CGGBP1: variants seen among roughly 807,000 people sequenced by gnomAD.
CGGBP1 encodes the protein CGG triplet repeat binding protein 1, also known as CGG triplet repeat-binding protein 1.
A neutral mutation model predicts 11.4 loss-of-function variants in CGGBP1; 4 were observed. That is an observed-to-expected ratio of 0.35 (90% CI 0.17 to 0.80). The LOEUF (loss-of-function observed/expected upper bound fraction) is 0.80. Among genes scored for constraint, CGGBP1 ranks in the 30% least tolerant of loss-of-function variants. The pLI, the probability that CGGBP1 is intolerant of heterozygous loss-of-function variation, is 0.52. For synonymous variants in CGGBP1, 76 were observed against 74.1 expected (o/e 1.03, Z -0.13); for missense variants, 135 against 202.1 (o/e 0.67, Z 2.01).
chr3:88,120,361 C>T (rs1254165119), intron 2 of CGGBP1, among the ~76,000 whole-genome samples: 1 of 152,182 alleles, frequency 6.6e-6, no homozygotes, highest in African/African-American at 2.4e-5. Flanking sequence ...TTTATTTATA[C>T]TGCTATCTTG....
chr3:88,132,108 ACT>A (rs1270132969), intron 2 of CGGBP1, among the ~76,000 whole-genome samples: 1 of 152,186 alleles, frequency 6.6e-6, no homozygotes, highest in Non-Finnish European at 1.5e-5. Flanking sequence ...TGGAAATAAT[ACT>A]GTGTTCAAGC....
At chr3:88,061,854 G>A (rs745545760), upstream of CGGBP1, among the ~76,000 whole-genome samples, 38 of 152,186 alleles carry the variant, frequency 2.5e-4, no homozygotes, top group Non-Finnish European at 4.7e-4. Flanking sequence ...ATATTGTGCA[G>A]TTGGGGTATG....
chr3:88,068,588 G>A (rs1294376843), intron 2 of CGGBP1, among the ~76,000 whole-genome samples: 3 of 152,070 alleles, frequency 2.0e-5, no homozygotes, highest in Admixed American at 6.5e-5. Flanking sequence ...GATTTGATGT[G>A]TGTATGTTAA....
chr3:88,089,491 A>T (rs982014377), intron 2 of CGGBP1, among the ~76,000 whole-genome samples: 14 of 9,042 alleles, frequency 1.5e-3, no homozygotes, highest in South Asian at 0.032. Context: ...AACTCTGTTT[A>T]AAAAAAAAAA....
intron 2 of CGGBP1, among the ~76,000 whole-genome samples, chr3:88,077,141 T>C (rs1239771059): frequency 6.6e-6 from 1 of 152,138 alleles, no homozygotes; most frequent in African/African-American, 2.4e-5. Context: ...AAACTTACCA[T>C]GTCCAGAATT....
At chr3:88,128,018 C>T (rs1387950150) in intron 2 of CGGBP1, among the ~76,000 whole-genome samples, 1 of 152,124 alleles carries the variant, frequency 6.6e-6, no homozygotes, top group African/African-American at 2.4e-5. Flanking sequence ...TAAAATACTT[C>T]TGGATTCAAA....
At chr3:88,063,660 T>A (rs1349713878), upstream of CGGBP1, among the ~76,000 whole-genome samples, 2 of 152,168 alleles carry the variant, frequency 1.3e-5, no homozygotes, top group African/African-American at 2.4e-5. Context: ...TTTTAAGAAG[T>A]CATATAAGGC....
At chr3:88,082,962 T>C (rs558562354) in intron 2 of CGGBP1, among the ~76,000 whole-genome samples, 1 of 152,092 alleles carries the variant, frequency 6.6e-6, no homozygotes, top group Admixed American at 6.6e-5. Context: ...TGGCCATTCT[T>C]TGGTGCATGT....
chr3:88,125,992 C>A, intron 2 of CGGBP1: 1 of 828,774 alleles, frequency 1.2e-6, no homozygotes, highest in Non-Finnish European at 1.7e-6. Flanking sequence ...CGACACCCTA[C>A]TTAGGTTACA....
chr3:88,088,669 T>C (rs977157748), intron 2 of CGGBP1, among the ~76,000 whole-genome samples: 1 of 152,102 alleles, frequency 6.6e-6, no homozygotes, highest in African/African-American at 2.4e-5. Flanking sequence ...TATTTGAAAT[T>C]GTAGGAGGGA....
At chr3:88,075,796 G>C (rs1286352415) in intron 2 of CGGBP1, among the ~76,000 whole-genome samples, 1 of 150,958 alleles carries the variant, frequency 6.6e-6, no homozygotes, top group Non-Finnish European at 1.5e-5. Context: ...GTTATCTCTT[G>C]TAGTGTCTTC....
Position 88,055,494 on chromosome 3 carries a change from G to T in CGGBP1, c.483C>A (p.Leu161=), listed in dbSNP as rs1157779115. Residue 161 remains leucine, a synonymous_variant, in exon 4 of 4, where the codon CTC becomes CTA. Coordinates refer to ENST00000482016, the MANE Select transcript of CGGBP1 (RefSeq NM_001008390.2). The surrounding 1 kb of genome is among the most constrained non-coding windows in gnomAD (Gnocchi z 4.2). ...LPDGYENENQ[L]LNSQDC is the part of the protein sequence containing the mutation. ...CTAGTCAACAATCTTGTGAGTTGAG[G>T]AGTTGATTCTCATTCTCATATCCAT... 1.3e-6 allele frequency: 2 copies of T among 1,525,176 alleles called. No homozygotes were observed. The highest frequency in any genetic ancestry group is 1.8e-6 in the Non-Finnish European group (2 of 1,135,884). The allele number at this position is 1,525,176 out of a possible 1,614,324, so 94.5% of individuals were successfully genotyped here.
chr3:88,122,573 C>T (rs190906368), intron 2 of CGGBP1, among the ~76,000 whole-genome samples: 1 of 152,150 alleles, frequency 6.6e-6, no homozygotes, highest in East Asian at 1.9e-4. Flanking sequence ...TTGGCCAAGA[C>T]ACAAAGTTGA....
intron 2 of CGGBP1, among the ~76,000 whole-genome samples, chr3:88,070,931 T>C (rs1707475917): frequency 6.6e-6 from 1 of 152,156 alleles, no homozygotes. Flanking sequence ...TTTTCTCATA[T>C]ATTATCCAAA....
At chr3:88,098,577 C>T (rs1187661819) in intron 2 of CGGBP1, among the ~76,000 whole-genome samples, 2 of 152,094 alleles carry the variant, frequency 1.3e-5, no homozygotes, top group Non-Finnish European at 2.9e-5. Context: ...ATGCAAAAAT[C>T]CTCAGTAAAA....
At chr3:88,146,462 CA>C (rs1553702386) in intron 1 of CGGBP1, among the ~76,000 whole-genome samples, 1 of 152,052 alleles carries the variant, frequency 6.6e-6, no homozygotes, top group Non-Finnish European at 1.5e-5. Context: ...GTTTTTTGCT[CA>C]AGTTGTATTC....
At chr3:88,149,068 G>A (rs1245501619) in intron 1 of CGGBP1, among the ~76,000 whole-genome samples, 1 of 152,158 alleles carries the variant, frequency 6.6e-6, no homozygotes, top group Non-Finnish European at 1.5e-5. Flanking sequence ...ATGGAAAAAG[G>A]CAAGTGACAA....
At chr3:88,081,162 AT>A (rs1211068836) in intron 2 of CGGBP1, among the ~76,000 whole-genome samples, 2 of 152,130 alleles carry the variant, frequency 1.3e-5, no homozygotes, top group Non-Finnish European at 2.9e-5. Flanking sequence ...CAATCTATGC[AT>A]TTTTGGCAGA....
rs1706518548 is a variant in CGGBP1, at chr3:88,055,412, A to G, written c.*61T>C. Reference sequence around the variant, plus strand: ...AAATAAATACAAAAATGAACCACACAATCAACACATAACTTTAATACTCCA... The same window carrying G: ...AAATAAATACAAAAATGAACCACACGATCAACACATAACTTTAATACTCCA... On this transcript the variant is annotated 3_prime_UTR_variant, in exon 4 of 4. Coordinates refer to ENST00000482016, the MANE Select transcript of CGGBP1 (RefSeq NM_001008390.2). This position sits in a 1 kb window ranked among gnomAD's most constrained non-coding sequence, Gnocchi z 4.2. 7.3e-7 allele frequency: 1 copy of G among 1,378,090 alleles called. No individual in the cohort carries two copies. The highest frequency in any genetic ancestry group is 9.8e-7 in the Non-Finnish European group (1 of 1,024,810). 85.4% of individuals were successfully genotyped at this position (1,378,090 alleles called of 1,614,324 possible). A position where few individuals can be genotyped will look rare whatever the true frequency, so the allele number is the denominator to read the frequency against.
Sources: allele counts gnomAD v4.1 joint callset (sites outside exome capture counted in the v4.1 genomes callset), GRCh38; gene constraint gnomAD v4.1.1; non-coding constraint Gnocchi (gnomAD v3.1); transcripts MANE v1.5; gene names NCBI Gene and HGNC (gene_info 2026-07-23, HGNC 2026-07-21).